The following TTF2 variants were observed in gnomAD, a reference collection of about 807,000 sequenced individuals.
TTF2 encodes RNA polymerase II termination factor.
A neutral mutation model predicts 142.4 loss-of-function variants in TTF2; 108 were observed. That is an observed-to-expected ratio of 0.76 (90% CI 0.65 to 0.89). The LOEUF is 0.89. Among genes scored for constraint, TTF2 ranks in the 40% least tolerant of loss-of-function variants. The probability of loss-of-function intolerance (pLI) is 0.00; values close to 1 mark genes in which losing one functional copy is unlikely to be tolerated. For synonymous variants in TTF2, 483 were observed against 506.2 expected (o/e 0.95, Z 0.61); for missense variants, 1,327 against 1,379.8 (o/e 0.96, Z 0.61).
Position 117,091,830 on chromosome 1 carries a change from T to C in TTF2, c.2685T>C (p.Phe895=). The change falls in exon 17 of 23, where the codon TTT becomes TTC. Residue 895 remains phenylalanine (F), a synonymous_variant. Transcript: ENST00000369466. ...NNPFSRVALE[F]GSEEPRHSEA... ...CCCTCTTGGAAGTGGCACTGGAGTT[T>C]GGGTCTGAGGAGCCTAGACACTCGG... 1.2e-6 allele frequency: 2 copies of C among 1,613,392 alleles called. No homozygotes were observed. The highest frequency in any genetic ancestry group is 1.7e-6 in the Non-Finnish European group (2 of 1,179,654).
chr1:117,060,678 C>A, intron 2 of TTF2, 121 bp downstream of exon 2: 1 of 955,778 alleles, frequency 1.0e-6, no homozygotes, highest in Non-Finnish European at 1.5e-6. Context: ...TTTGCGGTGT[C>A]AGGACCCTTT....
chr1:117,093,311 G>C lies in TTF2; in HGVS notation c.2976+410G>C, dbSNP rs1648771886. Among the ~76,000 whole-genome samples, 1 of 152,212 alleles carries C rather than the reference G, an allele frequency of 6.6e-6. No individual in the cohort carries two copies. The highest frequency in any genetic ancestry group is 1.5e-5 in the Non-Finnish European group (1 of 68,032). ...GCGCCAATTGCTCTGACTTTGAAAG[G>C]CTTCCACATGTGAGTAGTGTTTCCT... On this transcript the variant is annotated intron_variant, in intron 18 of 22. Coordinates refer to ENST00000369466, the MANE Select transcript of TTF2 (RefSeq NM_003594.4). This position sits in a 1 kb window ranked among gnomAD's most constrained non-coding sequence, Gnocchi z 4.5.
At chr1:117,095,602 T>C (rs1398042461) in intron 19 of TTF2, among the ~76,000 whole-genome samples, 1 of 152,094 alleles carries the variant, frequency 6.6e-6, no homozygotes, top group Non-Finnish European at 1.5e-5. Flanking sequence ...TAGAGAAGCA[T>C]ATAAAGAAAA....
chr1:117,078,547 T>G (rs1319621525), intron 8 of TTF2, among the ~76,000 whole-genome samples: 2 of 152,122 alleles, frequency 1.3e-5, no homozygotes, highest in Non-Finnish European at 2.9e-5. Flanking sequence ...ACGCTGCAAT[T>G]AGAGGGAGTG....
chr1:117,081,970 C>T, intron 10 of TTF2, 23 bp downstream of exon 10: 1 of 1,613,710 alleles, frequency 6.2e-7, no homozygotes, highest in Non-Finnish European at 8.5e-7. Flanking sequence ...GCCTTAATAG[C>T]CTGCCATTCC....
chr1:117,060,895 C>T (rs1380208945), intron 2 of TTF2, among the ~76,000 whole-genome samples: 1 of 152,176 alleles, frequency 6.6e-6, no homozygotes, highest in Admixed American at 6.5e-5. Flanking sequence ...AGTCCCTCCC[C>T]CTTTAAAGGA....
Position 117,080,212 on chromosome 1 carries a change from T to C in TTF2, c.1783+563T>C, listed in dbSNP as rs1262817878. Among the ~76,000 whole-genome samples, 1 of 152,154 alleles carries C rather than the reference T, an allele frequency of 6.6e-6. No homozygotes were observed. Among genetic ancestry groups the C allele is most frequent in the Non-Finnish European group, 1.5e-5 (1 of 68,032 alleles). On this transcript the variant is annotated intron_variant, in intron 9 of 22. Transcript: ENST00000369466. The surrounding 1 kb of genome is among the most constrained non-coding windows in gnomAD (Gnocchi z 4.3). ...TTTTAGTAGAGATGGGGTTTCGCCA[T>C]GTTGGACAGGCTGGTCTCTAACTCC...
chr1:117,082,632 C>T (rs1402374326), intron 10 of TTF2, among the ~76,000 whole-genome samples: 1 of 152,022 alleles, frequency 6.6e-6, no homozygotes, highest in Non-Finnish European at 1.5e-5. Context: ...AGCTATTTTC[C>T]ATGTTTCTGA....
Position 117,080,100 on chromosome 1 carries a change from C to A in TTF2, c.1783+451C>A, listed in dbSNP as rs1031344928. On this transcript the variant is annotated intron_variant, in intron 9 of 22. Coordinates refer to ENST00000369466, the MANE Select transcript of TTF2 (RefSeq NM_003594.4). This position sits in a 1 kb window ranked among gnomAD's most constrained non-coding sequence, Gnocchi z 4.3. ...TCTCGGCTCACTGCAACCTCCGCTT[C>A]CCAAGTTCAAGTGATTCTCCTGCCT... is the stretch of plus-strand genomic sequence containing the variant. 5.3e-5 allele frequency among the ~76,000 whole-genome samples: 8 copies of A among 151,592 alleles called. No individual in the cohort carries two copies. The highest frequency in any genetic ancestry group is 1.9e-4 in the African/African-American group (8 of 41,260).
At chr1:117,065,370 G>A (rs1479492325) in intron 3 of TTF2, among the ~76,000 whole-genome samples, 5 of 152,154 alleles carry the variant, frequency 3.3e-5, no homozygotes, top group African/African-American at 7.2e-5. Context: ...AGGCCAAGGC[G>A]GGCGGATCAC....
chr1:117,068,926 T>C (rs1381329141), intron 3 of TTF2, among the ~76,000 whole-genome samples: 1 of 152,246 alleles, frequency 6.6e-6, no homozygotes, highest in African/African-American at 2.4e-5. Flanking sequence ...CCCAGTTTGC[T>C]TTTTGTCTTA....
chr1:117,061,540 A>G (rs2101245683), intron 2 of TTF2, among the ~76,000 whole-genome samples: 1 of 152,356 alleles, frequency 6.6e-6, no homozygotes, highest in East Asian at 1.9e-4. Flanking sequence ...GTGCCCTTTC[A>G]ACATGTATAC....
Position 117,073,781 on chromosome 1 carries a change from A to G in TTF2, c.285+54A>G. ...TGCTGTGTTAAGACTTTTAATATGC[A>G]GCATCACCTGAAAATACCTTGAAGT... On this transcript the variant is annotated intron_variant, in intron 4 of 22. Transcript: ENST00000369466. The surrounding 1 kb of genome is among the most constrained non-coding windows in gnomAD (Gnocchi z 4.4). The G allele has an allele frequency of 6.6e-7, 1 of 1,524,492 alleles. No individual in the cohort carries two copies. Among genetic ancestry groups the G allele is most frequent in the Non-Finnish European group, 9.0e-7 (1 of 1,105,368 alleles). The allele number at this position is 1,524,492 out of a possible 1,614,324, so 94.4% of individuals were successfully genotyped here.
intron 3 of TTF2, 123 bp downstream of exon 3, chr1:117,062,596 A>G (rs983622072): frequency 8.5e-6 from 7 of 824,016 alleles, no homozygotes; most frequent in East Asian, 2.8e-5. Context: ...CAAAATTTGT[A>G]TATGTATTAA....
Position 117,080,430 on chromosome 1 carries a change from T to C in TTF2, c.1783+781T>C, listed in dbSNP as rs567323257. Reference sequence around the variant, plus strand: ...ACTGTTTCCTGCAGAAAGGATTTCATAGGGAGTCTCTTTCTAAAGCTGCTT... The same window carrying C: ...ACTGTTTCCTGCAGAAAGGATTTCACAGGGAGTCTCTTTCTAAAGCTGCTT... On this transcript the variant is annotated intron_variant, in intron 9 of 22. Coordinates refer to ENST00000369466, the MANE Select transcript of TTF2 (RefSeq NM_003594.4). This position sits in a 1 kb window ranked among gnomAD's most constrained non-coding sequence, Gnocchi z 4.3. Among the ~76,000 whole-genome samples the C allele has an allele frequency of 7.9e-5, 12 of 152,240 alleles. No homozygotes were observed. Among genetic ancestry groups the C allele is most frequent in the Admixed American group, 6.5e-4 (10 of 15,302 alleles).
rs532703195 is a variant in TTF2, at chr1:117,065,584, G to A, written c.218+3111G>A. The stretch of plus-strand genomic sequence containing the variant: ...CGCACTCCAGCTTGGGTGACAGAGC[G>A]AGACTCTGTCTCAAAAAAAAAATGT... On this transcript the variant is annotated intron_variant, in intron 3 of 22. Coordinates refer to ENST00000369466, the MANE Select transcript of TTF2 (RefSeq NM_003594.4). Among the ~76,000 whole-genome samples the A allele has an allele frequency of 3.3e-5, 5 of 152,142 alleles. No homozygotes were observed. The South Asian group carries it at 8.3e-4, about 25-fold the overall frequency.
Position 117,070,893 on chromosome 1 carries a change from G to A in TTF2, c.219-2768G>A, listed in dbSNP as rs1656518036. Among the ~76,000 whole-genome samples, 1 of 152,084 alleles carries A rather than the reference G, an allele frequency of 6.6e-6. No individual in the cohort carries two copies. Among genetic ancestry groups the A allele is most frequent in the South Asian group, 2.1e-4 (1 of 4,818 alleles). ...GTTTATGTGTCCTGGTGAAGTAGTGGCATCAAGGGACCAGGACCTGCTCAG... is the reference window on the plus strand; with the variant it reads ...GTTTATGTGTCCTGGTGAAGTAGTGACATCAAGGGACCAGGACCTGCTCAG... On this transcript the variant is annotated intron_variant, in intron 3 of 22. Coordinates refer to ENST00000369466, the MANE Select transcript of TTF2 (RefSeq NM_003594.4). This position sits in a 1 kb window ranked among gnomAD's most constrained non-coding sequence, Gnocchi z 4.2.
chr1:117,075,466 G>A lies in TTF2; in HGVS notation c.882G>A (p.Lys294=). 2 of 1,614,116 alleles carry A rather than the reference G, an allele frequency of 1.2e-6. 1 individual carries two copies. Among genetic ancestry groups the A allele is most frequent in the Middle Eastern group, 3.3e-4 (2 of 6,062 alleles). ...CGAACTGGGAGGCTAAAGAAACAAA[G>A]GCAAAGGATGGCCCTAGCATACAGG... ...EYTNWEAKET[K]AKDGPSIQAT... Residue 294 remains lysine, a synonymous_variant, in exon 5 of 23, where the codon AAG becomes AAA. Coordinates refer to ENST00000369466, the MANE Select transcript of TTF2 (RefSeq NM_003594.4). This position sits in a 1 kb window ranked among gnomAD's most constrained non-coding sequence, Gnocchi z 4.5.
Position 117,093,520 on chromosome 1 carries a change from T to C in TTF2, c.2976+619T>C, listed in dbSNP as rs959997816. On this transcript the variant is annotated intron_variant, in intron 18 of 22. Coordinates refer to ENST00000369466, the MANE Select transcript of TTF2 (RefSeq NM_003594.4). The surrounding 1 kb of genome is among the most constrained non-coding windows in gnomAD (Gnocchi z 4.5). ...TGAGGCTTGTTTCTCTCTTAGCATC[T>C]CAAGCTGCCGTTCTTGGGCTCAACC... is the stretch of plus-strand genomic sequence containing the variant. Among the ~76,000 whole-genome samples the C allele has an allele frequency of 7.9e-5, 12 of 152,316 alleles. No individual in the cohort carries two copies. The highest frequency in any genetic ancestry group is 2.9e-4 in the African/African-American group (12 of 41,574).
Sources: allele counts gnomAD v4.1 joint callset (sites outside exome capture counted in the v4.1 genomes callset), GRCh38; gene constraint gnomAD v4.1.1; non-coding constraint Gnocchi (gnomAD v3.1); transcripts MANE v1.5; gene names NCBI Gene and HGNC (gene_info 2026-07-23, HGNC 2026-07-21).